DCAF8L2: variants seen among roughly 807,000 people sequenced by gnomAD.
DCAF8L2 encodes DDB1- and CUL4-associated factor 8-like protein 2.
For synonymous variants in DCAF8L2, 200 were observed against 190.9 expected, an observed-to-expected ratio of 1.05 and a Z score of -0.39; for missense variants, 430 against 490.7, an observed-to-expected ratio of 0.88 and a Z score of 1.17.
chrX:27,643,641 A>G (rs1928827604), intron 2 of DCAF8L2, among the ~76,000 whole-genome samples: 1 of 111,840 alleles, frequency 8.9e-6, no homozygotes, highest in Non-Finnish European at 1.9e-5. Flanking sequence ...ATAATGTCCA[A>G]CGTTATTTTC....
the DCAF8L2 span, among the ~76,000 whole-genome samples, chrX:27,540,105 T>C: frequency 1.8e-5 from 2 of 111,546 alleles, no homozygotes; most frequent in African/African-American, 6.5e-5. Context: ...ACACTGACAC[T>C]GGAAGCCACA....
At chrX:27,643,629 A>G (rs1403097544) in intron 2 of DCAF8L2, among the ~76,000 whole-genome samples, 1 of 111,867 alleles carries the variant, frequency 8.9e-6, no homozygotes, top group Non-Finnish European at 1.9e-5. Context: ...AAAGAGTAAA[A>G]CATAATGTCC....
chrX:27,634,957 TACACACAC>T (rs571012816), intron 2 of DCAF8L2, among the ~76,000 whole-genome samples: 2 of 99,569 alleles, frequency 2.0e-5, no homozygotes, highest in Non-Finnish European at 4.0e-5. Flanking sequence ...ACCATGTATA[TACACACAC>T]ACACACACAC....
At chrX:27,658,164 C>G (rs1458351727) in intron 2 of DCAF8L2, among the ~76,000 whole-genome samples, 1 of 112,114 alleles carries the variant, frequency 8.9e-6, no homozygotes, top group Non-Finnish European at 1.9e-5. Context: ...AAGTGTGTAC[C>G]ACAGGATTAG....
upstream of DCAF8L2, among the ~76,000 whole-genome samples, chrX:27,585,995 A>G (rs1001633168): frequency 9.0e-6 from 1 of 111,359 alleles, no homozygotes; most frequent in African/African-American, 3.3e-5. Flanking sequence ...CTTATTTTCT[A>G]TCAGTGCTCA....
chrX:27,521,803 C>T, the DCAF8L2 span, among the ~76,000 whole-genome samples: 352 of 111,080 alleles, frequency 3.2e-3, no homozygotes, highest in Non-Finnish European at 4.5e-3. Flanking sequence ...TTTATTAGAA[C>T]GAAAAAGGTA....
At chrX:27,725,096 T>A (rs1290642792) in intron 4 of DCAF8L2, among the ~76,000 whole-genome samples, 3 of 83,180 alleles carry the variant, frequency 3.6e-5, no homozygotes, top group African/African-American at 5.2e-5. Context: ...ATTCTTTTTT[T>A]AAAAATAAGA....
intron 2 of DCAF8L2, among the ~76,000 whole-genome samples, chrX:27,651,147 A>G: frequency 8.9e-6 from 1 of 112,075 alleles, no homozygotes; most frequent in East Asian, 2.8e-4. Flanking sequence ...AATGAAGCCT[A>G]CTTCATCATG....
chrX:27,576,390 T>G, the DCAF8L2 span, among the ~76,000 whole-genome samples: 1 of 111,852 alleles, frequency 8.9e-6, no homozygotes, highest in Admixed American at 9.5e-5. Context: ...AGATTGGAAA[T>G]AACATTTTTT....
the DCAF8L2 span, among the ~76,000 whole-genome samples, chrX:27,471,178 G>A: frequency 2.7e-5 from 3 of 111,783 alleles, 1 homozygote; most frequent in East Asian, 5.6e-4. Context: ...TTGTATGGTC[G>A]TCTTTTCATG....
At chrX:27,481,214 C>G in the DCAF8L2 span, among the ~76,000 whole-genome samples, 2 of 109,812 alleles carry the variant, frequency 1.8e-5, no homozygotes, top group African/African-American at 3.3e-5. Flanking sequence ...CCCGTCTCTA[C>G]TAAAAATACA....
intron 2 of DCAF8L2, among the ~76,000 whole-genome samples, chrX:27,639,958 C>A (rs114598571): frequency 0.021 from 2,284 of 110,719 alleles, 54 homozygotes; most frequent in African/African-American, 0.07. Context: ...TTTTATTAGA[C>A]TTCAAGTTCT....
intron 4 of DCAF8L2, among the ~76,000 whole-genome samples, chrX:27,741,680 G>T (rs1176615806): frequency 8.9e-6 from 1 of 111,771 alleles, no homozygotes; most frequent in East Asian, 2.8e-4. Flanking sequence ...TGAGAAGGAT[G>T]AAGATGGCTT....
intron 1 of DCAF8L2, among the ~76,000 whole-genome samples, chrX:27,594,211 A>G (rs1164268617): frequency 8.9e-6 from 1 of 111,820 alleles, no homozygotes; most frequent in Non-Finnish European, 1.9e-5. Flanking sequence ...GCAATAAAAT[A>G]TAGGGTTATT....
the DCAF8L2 span, chrX:27,518,422 A>G: frequency 8.3e-6 from 5 of 599,778 alleles, no homozygotes; most frequent in African/African-American, 8.8e-5. Context: ...CTAGAAATAT[A>G]TGGTGTCAAC....
At chrX:27,499,036 A>C in the DCAF8L2 span, among the ~76,000 whole-genome samples, 1 of 112,450 alleles carries the variant, frequency 8.9e-6, no homozygotes, top group Non-Finnish European at 1.9e-5. Flanking sequence ...TGAACATAGG[A>C]GTGCAGAAAT....
chrX:27,569,343 C>T, the DCAF8L2 span, among the ~76,000 whole-genome samples: 1 of 111,942 alleles, frequency 8.9e-6, no homozygotes, highest in Admixed American at 9.5e-5. Context: ...AACCCAGACA[C>T]CTGCAAACAT....
chrX:27,554,132 C>T, the DCAF8L2 span, among the ~76,000 whole-genome samples: 355 of 111,655 alleles, frequency 3.2e-3, no homozygotes, highest in Non-Finnish European at 4.9e-3. Context: ...ATATGTAGCT[C>T]TCAGATCCTA....
intron 4 of DCAF8L2, among the ~76,000 whole-genome samples, chrX:27,732,829 T>TC (rs1163136268): frequency 1.6e-4 from 18 of 111,036 alleles, no homozygotes; most frequent in African/African-American, 4.6e-4. Context: ...CAAATTACTT[T>TC]CCTACCAACA....
Sources: gnomAD v4.1 joint callset for allele counts (sites outside exome capture counted in the v4.1 genomes callset) on GRCh38, gnomAD v4.1.1 for gene constraint, MANE v1.5 for transcripts, NCBI Gene and HGNC (gene_info 2026-07-23, HGNC 2026-07-21) for gene names.